Variants in CCSER1 observed in about 807,000 individuals in gnomAD.
The protein encoded by CCSER1 is serine-rich coiled-coil domain-containing protein 1.
CCSER1 carries 41 observed loss-of-function variants against 82.0 expected under a neutral mutation model. The observed-to-expected ratio is 0.50, with a 90% CI of 0.39 to 0.65. CCSER1 has a LOEUF of 0.65. Among genes scored for constraint, CCSER1 ranks in the 30% least tolerant of loss-of-function variants. The probability of loss-of-function intolerance (pLI) is 0.00; values close to 1 mark genes in which losing one functional copy is unlikely to be tolerated. For missense variants in CCSER1, 1,119 were observed against 1,064.2 expected, an observed-to-expected ratio of 1.05 and a Z score of -0.72; for synonymous variants, 414 against 383.9, an observed-to-expected ratio of 1.08 and a Z score of -0.92.
intron 5 of CCSER1, among the ~76,000 whole-genome samples, chr4:90,562,498 A>T (rs1778894783): frequency 6.6e-6 from 1 of 152,176 alleles, no homozygotes; most frequent in Non-Finnish European, 1.5e-5. Flanking sequence ...TTGCAAAAAA[A>T]TGAGTGAAAT....
chr4:90,987,092 A>G (rs894345445), intron 9 of CCSER1, among the ~76,000 whole-genome samples: 1 of 151,654 alleles, frequency 6.6e-6, no homozygotes, highest in Non-Finnish European at 1.5e-5. Flanking sequence ...TGAACTGCTA[A>G]ATCAGCTTGT....
At chr4:90,134,917 A>G (rs1723399973) in intron 1 of CCSER1, among the ~76,000 whole-genome samples, 1 of 152,232 alleles carries the variant, frequency 6.6e-6, no homozygotes, top group Non-Finnish European at 1.5e-5. Flanking sequence ...CTTCAAGACT[A>G]TACAAAGTTA....
chr4:90,198,727 C>T (rs556406686), intron 1 of CCSER1, among the ~76,000 whole-genome samples: 4 of 152,004 alleles, frequency 2.6e-5, no homozygotes, highest in African/African-American at 9.7e-5. Context: ...AGAGACCTTT[C>T]GATGATAATG....
chr4:91,160,841 A>G (rs772427598), intron 10 of CCSER1, among the ~76,000 whole-genome samples: 14 of 152,058 alleles, frequency 9.2e-5, no homozygotes, highest in Non-Finnish European at 1.5e-4. Flanking sequence ...ATATTTTCCA[A>G]TTCTGTAGGT....
At chr4:91,139,031 C>G (rs1728766313) in intron 10 of CCSER1, among the ~76,000 whole-genome samples, 2 of 152,162 alleles carry the variant, frequency 1.3e-5, no homozygotes, top group South Asian at 4.1e-4. Flanking sequence ...TTGCCCCTCT[C>G]CCTTCCTCTT....
chr4:91,049,540 TTTTG>T (rs1290861751), intron 9 of CCSER1, among the ~76,000 whole-genome samples: 3 of 152,218 alleles, frequency 2.0e-5, no homozygotes, highest in Admixed American at 1.3e-4. Flanking sequence ...CATTCTTATT[TTTTG>T]TTTATTATTT....
chr4:90,482,423 G>A (rs1322396107), intron 5 of CCSER1, among the ~76,000 whole-genome samples: 1 of 152,092 alleles, frequency 6.6e-6, no homozygotes, highest in Non-Finnish European at 1.5e-5. Flanking sequence ...GCTTTTGAAT[G>A]TGTTTGCTCT....
At position 90,703,300 on chromosome 4, in the gene CCSER1, T is replaced by C. The variant is rs375969839; in HGVS notation, c.1933-20614T>C. Among the ~76,000 whole-genome samples, 87 of 152,360 alleles carry C rather than the reference T, an allele frequency of 5.7e-4. 1 individual carries two copies. In the South Asian group the frequency reaches 0.017, roughly 29 times the overall value. On this transcript the variant is annotated intron_variant, in intron 6 of 10. Transcript: ENST00000509176. ...GAGAAGTTTTGAGTGACTTTCTTAA[T>C]CCTGAGTTCTAGTTTTATTGCACTG...
intron 3 of CCSER1, among the ~76,000 whole-genome samples, chr4:90,317,355 T>C (rs1281382129): frequency 1.3e-5 from 2 of 152,210 alleles, no homozygotes; most frequent in African/African-American, 4.8e-5. Flanking sequence ...CTCAAGCCTG[T>C]AGTCCCAGCA....
chr4:90,504,509 T>A (rs1244252227), intron 5 of CCSER1, among the ~76,000 whole-genome samples: 4 of 152,198 alleles, frequency 2.6e-5, no homozygotes, highest in Non-Finnish European at 5.9e-5. Flanking sequence ...ATGGCTAAGC[T>A]TGATTTCTAA....
intron 5 of CCSER1, among the ~76,000 whole-genome samples, chr4:90,626,742 A>AG (rs750360785): frequency 2.0e-5 from 3 of 152,174 alleles, no homozygotes; most frequent in Non-Finnish European, 4.4e-5. Flanking sequence ...CCACTGGGAA[A>AG]TGGATATTAT....
chr4:90,871,638 C>A (rs1333592307), intron 8 of CCSER1, among the ~76,000 whole-genome samples: 1 of 151,810 alleles, frequency 6.6e-6, no homozygotes, highest in Non-Finnish European at 1.5e-5. Context: ...GTGTATTCTG[C>A]AACCATTGGA....
At chr4:90,900,888 G>T (rs985740966) in intron 8 of CCSER1, among the ~76,000 whole-genome samples, 2 of 151,864 alleles carry the variant, frequency 1.3e-5, no homozygotes, top group African/African-American at 2.4e-5. Context: ...TGTTGGTGGG[G>T]TGTTGCAGTT....
intron 10 of CCSER1, among the ~76,000 whole-genome samples, chr4:91,520,044 C>T (rs1290484646): frequency 6.6e-6 from 1 of 152,098 alleles, no homozygotes; most frequent in East Asian, 1.9e-4. Context: ...TTTATTTCTG[C>T]CATTTACTAT....
At chr4:90,188,372 T>G (rs1414669439) in intron 1 of CCSER1, among the ~76,000 whole-genome samples, 1 of 151,982 alleles carries the variant, frequency 6.6e-6, no homozygotes, top group Non-Finnish European at 1.5e-5. Flanking sequence ...GAATAAGACT[T>G]TAATGTAGCT....
At chr4:90,674,637 A>C (rs1733483519) in intron 6 of CCSER1, among the ~76,000 whole-genome samples, 1 of 151,970 alleles carries the variant, frequency 6.6e-6, no homozygotes, top group African/African-American at 2.4e-5. Context: ...TCACTAAAAA[A>C]TTATTTAATA....
At chr4:90,789,387 G>A (rs796437816) in intron 7 of CCSER1, among the ~76,000 whole-genome samples, 10 of 151,574 alleles carry the variant, frequency 6.6e-5, no homozygotes, top group African/African-American at 2.4e-4. Flanking sequence ...TCACTTTTTT[G>A]TTTTTCAACT....
chr4:91,430,149 G>A (rs1287844329), intron 10 of CCSER1, among the ~76,000 whole-genome samples: 2 of 151,984 alleles, frequency 1.3e-5, no homozygotes, highest in African/African-American at 4.8e-5. Flanking sequence ...TGGTATATAT[G>A]TTCAGAACAT....
In CCSER1 at chr4:91,525,899, C is replaced by T. The variant is rs552304468; in HGVS notation, c.2218-72673C>T. Among the ~76,000 whole-genome samples, 47 of 152,308 alleles carry T rather than the reference C, an allele frequency of 3.1e-4. 1 individual carries two copies. In the South Asian group the frequency reaches 9.5e-3, roughly 31 times the overall value. On this transcript the variant is annotated intron_variant, in intron 10 of 10. Transcript: ENST00000509176. The stretch of plus-strand genomic sequence containing the variant: ...TAAAATTTAACCCAAGAGACTGTTT[C>T]AGGCCACAAGGGGAAGTGGGGGTCA...
Sources: allele counts gnomAD v4.1 joint callset (sites outside exome capture counted in the v4.1 genomes callset), GRCh38; gene constraint gnomAD v4.1.1; transcripts MANE v1.5; gene names NCBI Gene and HGNC (gene_info 2026-07-23, HGNC 2026-07-21).